The following C3orf20 variants were observed in gnomAD, a reference collection of about 807,000 sequenced individuals.
The protein encoded by C3orf20 is family with sequence similarity 149 member C.
A neutral mutation model predicts 88.3 loss-of-function variants in C3orf20; 76 were observed. The ratio of observed to expected loss-of-function variants is 0.86; its 90% CI spans 0.72 to 1.04. C3orf20 has a LOEUF of 1.04. C3orf20 is among the 50% of genes least tolerant of loss of function. C3orf20 has a pLI of 0.00. For missense variants in C3orf20, 1,056 were observed against 1,123.3 expected, an observed-to-expected ratio of 0.94 and a Z score of 0.86; for synonymous variants, 436 against 437.4, an observed-to-expected ratio of 1.00 and a Z score of 0.04.
At chr3:14,692,415 C>A (rs553501402) in intron 5 of C3orf20, among the ~76,000 whole-genome samples, 2 of 152,162 alleles carry the variant, frequency 1.3e-5, no homozygotes, top group Non-Finnish European at 2.9e-5. Flanking sequence ...TTTGTTGTTG[C>A]CTGTCTTTTG....
Position 14,721,791 on chromosome 3 carries a change from C to G in C3orf20, c.1566+7C>G. The G allele has an allele frequency of 6.2e-7, 1 of 1,614,016 alleles. No individual in the cohort carries two copies. Among genetic ancestry groups the G allele is most frequent in the Non-Finnish European group, 8.5e-7 (1 of 1,179,932 alleles). On this transcript the variant is annotated splice_region_variant and intron_variant, in intron 10 of 16. Transcript: ENST00000253697. ...AATGGCATATGACAAACGGGTAAGG[C>G]AAGGCAGACTATGCACCCAGCCCTG...
At position 14,726,928 on chromosome 3, in the gene C3orf20, G is replaced by A. The variant is rs149516015; in HGVS notation, c.1594G>A (p.Asp532Asn). 49 of 1,614,136 alleles carry A rather than the reference G, an allele frequency of 3.0e-5. No individual in the cohort carries two copies. The highest frequency in any genetic ancestry group is 1.7e-4 in the Middle Eastern group (1 of 6,058). Residue 532 changes from aspartate to asparagine, a missense_variant, in exon 11 of 17, where the codon GAC becomes AAC. Physicochemically the swap from Asp to Asn is conservative, Grantham distance 23. Coordinates refer to ENST00000253697, the MANE Select transcript of C3orf20 (RefSeq NM_032137.5). ...GAACCGCAGAATCAGCAACATGGAC[G>A]ACAAGGTGTATAAGATGAGCCGAGC... ...RLNRRISNMD[D>N]KVYKMSRALA...
intron 4 of C3orf20, among the ~76,000 whole-genome samples, chr3:14,688,543 A>AG (rs1448589378): frequency 2.0e-5 from 3 of 151,132 alleles, no homozygotes; most frequent in East Asian, 1.9e-4. Context: ...AAAAAAAAAA[A>AG]AAAGAAAAAA....
At chr3:14,737,735 C>T (rs1318314265) in intron 12 of C3orf20, among the ~76,000 whole-genome samples, 1 of 152,226 alleles carries the variant, frequency 6.6e-6, no homozygotes, top group Admixed American at 6.5e-5. Context: ...AAAGATTTCT[C>T]TGTAGCATTT....
Position 14,682,744 on chromosome 3 carries a change from T to A in C3orf20, c.31T>A (p.Tyr11Asn), listed in dbSNP as rs762470148. Residue 11 changes from tyrosine to asparagine, a missense_variant, in exon 3 of 17, where the codon TAT becomes AAT. Tyr to Asn is a moderately radical substitution (Grantham distance 143, BLOSUM62 -2). Transcript: ENST00000253697. MSYIKSNLEL[Y>N]QQYTAMAPKL... ...TTACATCAAGAGTAACCTAGAATTA[T>A]ATCAGCAATACACAGCCATGGCCCC... 5.0e-6 allele frequency: 8 copies of A among 1,613,194 alleles called. No individual in the cohort carries two copies. The highest frequency in any genetic ancestry group is 6.8e-6 in the Non-Finnish European group (8 of 1,179,634).
intron 12 of C3orf20, among the ~76,000 whole-genome samples, chr3:14,735,825 C>T (rs1435455422): frequency 3.3e-5 from 5 of 152,066 alleles, no homozygotes; most frequent in Non-Finnish European, 7.4e-5. Flanking sequence ...GAACTCCTGA[C>T]CTCAAGTGAT....
rs756965644 is a variant in C3orf20, at chr3:14,704,513, C to T, written c.1055C>T (p.Pro352Leu). 1.2e-5 allele frequency: 20 copies of T among 1,614,072 alleles called. 1 individual carries two copies. The South Asian group carries it at 2.1e-4, about 17-fold the overall frequency. ...CAGACTCTCAGCCCCACCTCTCACC[C>T]ATCTTCTGCCAACCATCATTTCAGT... ...GAQTLSPTSH[P>L]SSANHHFSQH... is the part of the protein sequence containing the mutation. Residue 352 changes from proline (P) to leucine (L), a missense_variant, in exon 7 of 17, where the codon CCA (proline) becomes CTA (leucine). By Grantham distance (98) the Pro-to-Leu change is moderately conservative. Coordinates refer to ENST00000253697, the MANE Select transcript of C3orf20 (RefSeq NM_032137.5).
intron 5 of C3orf20, among the ~76,000 whole-genome samples, chr3:14,691,178 T>TC: frequency 6.6e-6 from 1 of 152,322 alleles, no homozygotes; most frequent in Non-Finnish European, 1.5e-5. Flanking sequence ...GGAGCTGACC[T>TC]CCTCCTTCCG....
chr3:14,692,150 A>G (rs2032765240), intron 5 of C3orf20, among the ~76,000 whole-genome samples: 4 of 152,130 alleles, frequency 2.6e-5, no homozygotes, highest in Admixed American at 2.6e-4. Context: ...TCTGTTGTTG[A>G]TTGACACTTA....
chr3:14,704,690 C>G, intron 7 of C3orf20, 72 bp downstream of exon 7: 2 of 1,543,848 alleles, frequency 1.3e-6, no homozygotes, highest in Non-Finnish European at 1.7e-6. Flanking sequence ...CTTGATACAG[C>G]CTAAATGTTT....
intron 12 of C3orf20, among the ~76,000 whole-genome samples, chr3:14,730,725 C>T (rs1013108195): frequency 1.3e-5 from 2 of 152,210 alleles, no homozygotes. Context: ...ACAGACTGTC[C>T]GTTTTCCGCC....
chr3:14,738,884 G>A (rs2034817031), intron 12 of C3orf20, among the ~76,000 whole-genome samples: 1 of 136,974 alleles, frequency 7.3e-6, no homozygotes, highest in African/African-American at 2.7e-5. Flanking sequence ...TTAAACTCCT[G>A]ACCTCAGGTG....
chr3:14,698,426 G>T (rs968926872), intron 5 of C3orf20, among the ~76,000 whole-genome samples: 6 of 152,210 alleles, frequency 3.9e-5, no homozygotes, highest in Admixed American at 6.5e-5. Context: ...TTTTTGGGAA[G>T]GCTTTCCAGG....
In C3orf20 at chr3:14,701,781, G is replaced by T. The variant is rs1051829337; in HGVS notation, c.746-1349G>T. Among the ~76,000 whole-genome samples the T allele has an allele frequency of 1.3e-5, 2 of 152,148 alleles. No homozygotes were observed. Among genetic ancestry groups the T allele is most frequent in the African/African-American group, 4.8e-5 (2 of 41,440 alleles). On this transcript the variant is annotated intron_variant, in intron 5 of 16. Transcript: ENST00000253697. The surrounding 1 kb of genome is among the most constrained non-coding windows in gnomAD (Gnocchi z 4.6). ...AAAAGGGTCCAATTCAGTGAGGGCC[G>T]TCCAGCCCTGGAAATGCTCTCTTTT...
chr3:14,745,138 T>G (rs1246338082), intron 12 of C3orf20, among the ~76,000 whole-genome samples: 3 of 152,176 alleles, frequency 2.0e-5, no homozygotes, highest in Non-Finnish European at 4.4e-5. Flanking sequence ...GAGCAGTTGA[T>G]GAAGCTAGGC....
At chr3:14,763,730 A>G (rs2035622583) in intron 15 of C3orf20, among the ~76,000 whole-genome samples, 1 of 152,166 alleles carries the variant, frequency 6.6e-6, no homozygotes, top group African/African-American at 2.4e-5. Context: ...TCTGTGCGCC[A>G]GCTTCTTTGT....
chr3:14,713,336 A>G lies in C3orf20; in HGVS notation c.1161-671A>G, dbSNP rs951104066. ...CTCCCACAGGTCCCTGAGAATCTTC[A>G]TTTTTCTTCATTTCCTTTTCTTTCT... On this transcript the variant is annotated intron_variant, in intron 7 of 16. Coordinates refer to ENST00000253697, the MANE Select transcript of C3orf20 (RefSeq NM_032137.5). Among the ~76,000 whole-genome samples, 3 of 151,828 alleles carry G rather than the reference A, an allele frequency of 2.0e-5. No homozygotes were observed. The East Asian group carries it at 5.8e-4, about 29-fold the overall frequency.
chr3:14,696,065 C>T (rs1232476498), intron 5 of C3orf20, among the ~76,000 whole-genome samples: 1 of 151,046 alleles, frequency 6.6e-6, no homozygotes, highest in East Asian at 1.9e-4. Context: ...TTCCTTCCCT[C>T]CTGTCTTCCT....
chr3:14,713,927 A>C, intron 7 of C3orf20, 80 bp from the exon 8 acceptor site: 1 of 1,501,628 alleles, frequency 6.7e-7, no homozygotes, highest in Non-Finnish European at 9.1e-7. Context: ...ACACTTTGAC[A>C]TGTGGACTTG....
Sources: allele counts gnomAD v4.1 joint callset (sites outside exome capture counted in the v4.1 genomes callset), GRCh38; gene constraint gnomAD v4.1.1; non-coding constraint Gnocchi (gnomAD v3.1); transcripts MANE v1.5; gene names NCBI Gene and HGNC (gene_info 2026-07-23, HGNC 2026-07-21).